The following DNER variants were observed in gnomAD, a reference collection of about 807,000 sequenced individuals.
DNER encodes the protein delta and Notch-like epidermal growth factor-related receptor.
DNER carries 33 observed loss-of-function variants against 78.2 expected under a neutral mutation model. The observed-to-expected ratio is 0.42, with a 90% CI of 0.32 to 0.56. The LOEUF (loss-of-function observed/expected upper bound fraction) is 0.56, where lower values mean the gene tolerates loss of function less well. Among genes scored for constraint, DNER ranks in the 20% least tolerant of loss-of-function variants. DNER has a pLI of 0.11. For synonymous variants in DNER, 417 were observed against 384.8 expected (o/e 1.08, Z -0.98); for missense variants, 918 against 975.3 (o/e 0.94, Z 0.78).
intron 6 of DNER, among the ~76,000 whole-genome samples, chr2:229,508,732 T>A (rs1207038613): frequency 6.6e-6 from 1 of 151,732 alleles, no homozygotes; most frequent in African/African-American, 2.4e-5. Flanking sequence ...ATACAAAAAA[T>A]TAGCCGGGCG....
At chr2:229,506,219 G>A (rs186727610) in intron 6 of DNER, among the ~76,000 whole-genome samples, 3 of 152,280 alleles carry the variant, frequency 2.0e-5, no homozygotes, top group Non-Finnish European at 1.5e-5. Flanking sequence ...TACAATCATG[G>A]AGGAAGAGTA....
chr2:229,537,051 G>A (rs1056913981), intron 5 of DNER, among the ~76,000 whole-genome samples: 14 of 152,150 alleles, frequency 9.2e-5, no homozygotes, highest in South Asian at 4.2e-4. Flanking sequence ...CCTTTAGTGC[G>A]TTGGTGTAAG....
chr2:229,582,382 C>T (rs1443885134), intron 4 of DNER, among the ~76,000 whole-genome samples: 1 of 152,108 alleles, frequency 6.6e-6, no homozygotes, highest in Non-Finnish European at 1.5e-5. Context: ...AGGAACCTGG[C>T]CATCCCTCCC....
At chr2:229,413,886 CCTAT>C (rs1693585329) in intron 9 of DNER, among the ~76,000 whole-genome samples, 1 of 151,846 alleles carries the variant, frequency 6.6e-6, no homozygotes, top group African/African-American at 2.4e-5. Context: ...TAAAATACTA[CCTAT>C]CTAAGTTCTA....
intron 1 of DNER, among the ~76,000 whole-genome samples, chr2:229,704,416 A>C: frequency 6.6e-6 from 1 of 152,252 alleles, no homozygotes; most frequent in East Asian, 1.9e-4. Context: ...CACTTACAGA[A>C]GCTTTATTCA....
chr2:229,488,764 T>G (rs956798924), intron 6 of DNER, among the ~76,000 whole-genome samples: 1 of 152,258 alleles, frequency 6.6e-6, no homozygotes, highest in African/African-American at 2.4e-5. Context: ...CTGGCTTTCC[T>G]GTGATCTTTG....
chr2:229,588,434 G>T lies in DNER; in HGVS notation c.640C>A (p.Arg214Ser), dbSNP rs373276946. Reference protein sequence around the residue: ...NASSNSSAGGRLVSFEVPQNT... With the variant: ...NASSNSSAGGSLVSFEVPQNT... ...TGTGGCACTTCAAAGGATACCAGGCGGCCACCCGCAGAGCTGTTAGAACTG... is the reference window on the plus strand; with the variant it reads ...TGTGGCACTTCAAAGGATACCAGGCTGCCACCCGCAGAGCTGTTAGAACTG... Residue 214 changes from arginine to serine, a missense_variant, in exon 3 of 13, where the codon CGC becomes AGC. Transcript: ENST00000341772. The T allele has an allele frequency of 6.2e-7, 1 of 1,612,446 alleles. No individual in the cohort carries two copies. The highest frequency in any genetic ancestry group is 1.7e-5 in the Admixed American group (1 of 59,950).
chr2:229,429,747 A>T (rs1693966048), intron 8 of DNER, among the ~76,000 whole-genome samples: 2 of 152,236 alleles, frequency 1.3e-5, no homozygotes, highest in Non-Finnish European at 2.9e-5. Flanking sequence ...TGATTAGCCC[A>T]GATTTCACCA....
chr2:229,681,040 G>A (rs1699380236), intron 1 of DNER, among the ~76,000 whole-genome samples: 1 of 152,190 alleles, frequency 6.6e-6, no homozygotes, highest in Admixed American at 6.5e-5. Flanking sequence ...CCAAAGGAGA[G>A]GCATATATGG....
Position 229,655,440 on chromosome 2 carries a change from G to A in DNER, c.276+58708C>T, listed in dbSNP as rs566488906. Reference sequence around the variant, plus strand: ...GCGATTTAAATACCATCAGACTCAGGAAAAGAGAGGAGATTTCACCAGGTT... The same window carrying A: ...GCGATTTAAATACCATCAGACTCAGAAAAAGAGAGGAGATTTCACCAGGTT... On this transcript the variant is annotated intron_variant, in intron 1 of 12. Transcript: ENST00000341772. Among the ~76,000 whole-genome samples the A allele has an allele frequency of 8.7e-4, 133 of 152,268 alleles. 1 individual carries two copies. The highest frequency in any genetic ancestry group is 1.4e-3 in the Non-Finnish European group (92 of 68,028).
At chr2:229,594,314 C>A (rs1412358541) in intron 1 of DNER, among the ~76,000 whole-genome samples, 1 of 152,196 alleles carries the variant, frequency 6.6e-6, no homozygotes, top group Non-Finnish European at 1.5e-5. Context: ...GAGGGCCGGG[C>A]GCGGTGGCTC....
rs1574819324 is a variant in DNER, at chr2:229,387,481, G to A, written c.1855+784C>T. On this transcript the variant is annotated intron_variant, in intron 11 of 12. Transcript: ENST00000341772. ...CCCAGAACTTAAAGTATAATAGAAA[G>A]AAAAAGAAAGAAAGAAAGAAAGAAA... Among the ~76,000 whole-genome samples the A allele has an allele frequency of 5.9e-5, 5 of 84,792 alleles. No homozygotes were observed. In the South Asian group the frequency reaches 2.1e-3, roughly 36 times the overall value. The allele number at this position is 84,792 out of a possible 152,430, so 55.6% of individuals were successfully genotyped here.
chr2:229,531,059 A>C (rs1390492128), intron 5 of DNER, among the ~76,000 whole-genome samples: 1 of 152,136 alleles, frequency 6.6e-6, no homozygotes, highest in Non-Finnish European at 1.5e-5. Flanking sequence ...ATCTTCTCTG[A>C]ATTTGCCTTA....
chr2:229,591,831 T>C lies in DNER; in HGVS notation c.334A>G (p.Ser112Gly). 6.2e-7 allele frequency: 1 copy of C among 1,610,178 alleles called. No homozygotes were observed. The highest frequency in any genetic ancestry group is 8.5e-7 in the Non-Finnish European group (1 of 1,179,074). ...PCHHGNCSSS[S>G]SSSSDGYLCI... ...AGGTAGCCATCGCTGCTGCTGCTGC[T>C]GCTGCTGCTGCAGTTGCCATGGTGA... The change falls in exon 2 of 13, where the codon AGC becomes GGC. Residue 112 changes from serine to glycine, a missense_variant. Transcript: ENST00000341772. This position sits in a 1 kb window ranked among gnomAD's most constrained non-coding sequence, Gnocchi z 4.6.
At chr2:229,605,664 AGT>A (rs1458984717) in intron 1 of DNER, among the ~76,000 whole-genome samples, 1 of 152,056 alleles carries the variant, frequency 6.6e-6, no homozygotes, top group Non-Finnish European at 1.5e-5. Context: ...GTGAATTGTT[AGT>A]GTATAAAGAT....
intron 7 of DNER, among the ~76,000 whole-genome samples, chr2:229,460,380 G>A (rs1694670734): frequency 6.6e-6 from 1 of 151,614 alleles, no homozygotes; most frequent in Non-Finnish European, 1.5e-5. Flanking sequence ...AAGCCAATGT[G>A]TAATGTTGAG....
chr2:229,634,254 TTTCCTTCCTTCC>T (rs200415124), intron 1 of DNER, among the ~76,000 whole-genome samples: 1 of 152,092 alleles, frequency 6.6e-6, no homozygotes, highest in Admixed American at 6.5e-5. Context: ...TTTTTCCTTC[TTTCCTTCCTTCC>T]TTCCTTCCTT....
chr2:229,571,441 T>C (rs1010951389), intron 4 of DNER, among the ~76,000 whole-genome samples: 3 of 151,984 alleles, frequency 2.0e-5, no homozygotes, highest in African/African-American at 7.3e-5. Context: ...GCTCACTTTC[T>C]CCTCCCATGT....
intron 7 of DNER, among the ~76,000 whole-genome samples, chr2:229,449,593 G>A (rs12473438): frequency 0.12 from 18,534 of 151,946 alleles, 1,211 homozygotes; most frequent in South Asian, 0.22. Flanking sequence ...GGGGGTGGGC[G>A]GTGGCCAGTG....
Sources: allele counts gnomAD v4.1 joint callset (sites outside exome capture counted in the v4.1 genomes callset), GRCh38; gene constraint gnomAD v4.1.1; non-coding constraint Gnocchi (gnomAD v3.1); transcripts MANE v1.5; gene names NCBI Gene and HGNC (gene_info 2026-07-23, HGNC 2026-07-21).